The following CA10 variants were observed in gnomAD, a reference collection of about 807,000 sequenced individuals.
CA10 encodes the protein carbonic anhydrase 10 (inactive).
A neutral mutation model predicts 44.2 loss-of-function variants in CA10; 14 were observed. The ratio of observed to expected loss-of-function variants is 0.32; its 90% CI spans 0.21 to 0.50. The LOEUF (loss-of-function observed/expected upper bound fraction) is 0.50, where lower values mean the gene tolerates loss of function less well. Among genes scored for constraint, CA10 ranks in the 20% least tolerant of loss-of-function variants. The probability of loss-of-function intolerance (pLI) is 0.99; values close to 1 mark genes in which losing one functional copy is unlikely to be tolerated. For missense variants in CA10, 350 were observed against 409.7 expected (o/e 0.85, Z 1.26); for synonymous variants, 159 against 141.6 (o/e 1.12, Z -0.87).
intron 2 of CA10, among the ~76,000 whole-genome samples, chr17:51,942,383 C>G (rs908380711): frequency 6.6e-6 from 1 of 151,876 alleles, no homozygotes; most frequent in African/African-American, 2.4e-5. Context: ...GATTCATTGT[C>G]CAATAAATGT....
At chr17:51,911,826 C>G (rs1981801080) in intron 3 of CA10, among the ~76,000 whole-genome samples, 1 of 152,062 alleles carries the variant, frequency 6.6e-6, no homozygotes, top group Admixed American at 6.6e-5. Flanking sequence ...CTTGGCCATC[C>G]TAGTCCAAAA....
chr17:51,640,900 C>T (rs1187927432), intron 6 of CA10, among the ~76,000 whole-genome samples: 3 of 152,108 alleles, frequency 2.0e-5, no homozygotes, highest in African/African-American at 7.2e-5. Context: ...AGATTCTCCT[C>T]TCTAAACTTC....
intron 3 of CA10, among the ~76,000 whole-genome samples, chr17:51,822,311 A>G (rs1040103916): frequency 1.1e-4 from 17 of 152,028 alleles, no homozygotes; most frequent in Non-Finnish European, 2.5e-4. Context: ...CCAGCTACTC[A>G]GGAGGCTGAG....
At chr17:52,110,203 T>C (rs1988760588) in intron 1 of CA10, among the ~76,000 whole-genome samples, 1 of 152,216 alleles carries the variant, frequency 6.6e-6, no homozygotes, top group African/African-American at 2.4e-5. Context: ...CCCCATAACC[T>C]TTCTTCCATT....
At chr17:51,723,296 A>T (rs1243777802) in intron 4 of CA10, among the ~76,000 whole-genome samples, 1 of 152,226 alleles carries the variant, frequency 6.6e-6, no homozygotes, top group African/African-American at 2.4e-5. Context: ...ACAGCTAAAA[A>T]TTAGCGCTGA....
intron 3 of CA10, among the ~76,000 whole-genome samples, chr17:51,790,351 G>A (rs1236930444): frequency 6.6e-6 from 1 of 152,134 alleles, no homozygotes; most frequent in East Asian, 1.9e-4. Context: ...AGGATGACAT[G>A]CCTGTTGTAG....
intron 1 of CA10, among the ~76,000 whole-genome samples, chr17:52,142,571 A>C (rs1299599196): frequency 6.6e-6 from 1 of 152,104 alleles, no homozygotes; most frequent in Admixed American, 6.6e-5. Context: ...TGAACTGTAC[A>C]GTTATGGTAA....
intron 1 of CA10, among the ~76,000 whole-genome samples, chr17:52,088,204 T>A (rs1016471500): frequency 6.6e-6 from 1 of 152,068 alleles, no homozygotes; most frequent in African/African-American, 2.4e-5. Context: ...GTAACAAACC[T>A]GCACATGTAC....
chr17:51,894,013 A>G (rs887567976), intron 3 of CA10, among the ~76,000 whole-genome samples: 2 of 152,186 alleles, frequency 1.3e-5, no homozygotes, highest in Non-Finnish European at 2.9e-5. Context: ...ATGACATAAG[A>G]TATTCACAAA....
chr17:51,769,544 A>C (rs1363237461), intron 3 of CA10, among the ~76,000 whole-genome samples: 1 of 152,178 alleles, frequency 6.6e-6, no homozygotes, highest in African/African-American at 2.4e-5. Context: ...GAAGGAAATA[A>C]AACCCTGACA....
At chr17:51,849,176 CATATATGT>C (rs1410261855) in intron 3 of CA10, among the ~76,000 whole-genome samples, 100 of 78,050 alleles carry the variant, frequency 1.3e-3, no homozygotes, top group Non-Finnish European at 2.1e-3. Context: ...TATATATATA[CATATATGT>C]ATATATATAT....
chr17:52,094,755 A>T (rs1412649302), intron 1 of CA10, among the ~76,000 whole-genome samples: 1 of 152,166 alleles, frequency 6.6e-6, no homozygotes, highest in Non-Finnish European at 1.5e-5. Flanking sequence ...TTTAAACCCC[A>T]ATGAAATGCC....
intron 4 of CA10, among the ~76,000 whole-genome samples, chr17:51,698,596 A>G (rs1232854800): frequency 6.6e-6 from 1 of 152,220 alleles, no homozygotes; most frequent in East Asian, 1.9e-4. Context: ...ATCTACCCTC[A>G]TACAAATTTC....
chr17:51,834,562 A>G (rs1908405084), intron 3 of CA10, among the ~76,000 whole-genome samples: 2 of 152,162 alleles, frequency 1.3e-5, no homozygotes, highest in African/African-American at 4.8e-5. Flanking sequence ...AGCAGACTCC[A>G]TGCTCCTGGG....
chr17:51,994,151 G>A (rs756514648), intron 2 of CA10, among the ~76,000 whole-genome samples: 9 of 151,962 alleles, frequency 5.9e-5, no homozygotes, highest in South Asian at 2.1e-4. Context: ...TCCAGGTTCC[G>A]ACTCCATCAG....
At chr17:52,041,485 C>T (rs1285795758) in intron 2 of CA10, among the ~76,000 whole-genome samples, 1 of 152,066 alleles carries the variant, frequency 6.6e-6, no homozygotes, top group African/African-American at 2.4e-5. Context: ...ATTTAAGGCA[C>T]ACAACATGAT....
At chr17:52,057,028 A>G (rs1987247600) in intron 2 of CA10, among the ~76,000 whole-genome samples, 1 of 152,116 alleles carries the variant, frequency 6.6e-6, no homozygotes, top group Non-Finnish European at 1.5e-5. Flanking sequence ...ACCCTTTGAA[A>G]TGTTCTCTTG....
At chr17:51,854,161 A>G (rs552866002) in intron 3 of CA10, among the ~76,000 whole-genome samples, 1 of 152,214 alleles carries the variant, frequency 6.6e-6, no homozygotes, top group African/African-American at 2.4e-5. Context: ...GGCTTGCTCT[A>G]CGGTTTTCTT....
intron 3 of CA10, among the ~76,000 whole-genome samples, chr17:51,802,568 A>G (rs1377080022): frequency 8.0e-4 from 45 of 56,052 alleles, no homozygotes; most frequent in African/African-American, 2.3e-3. Flanking sequence ...GATGTCTGAA[A>G]AAAAAAAAAA....
Sources: allele counts gnomAD v4.1 joint callset (sites outside exome capture counted in the v4.1 genomes callset), GRCh38; gene constraint gnomAD v4.1.1; transcripts MANE v1.5; gene names NCBI Gene and HGNC (gene_info 2026-07-23, HGNC 2026-07-21).